The following IL34 variants were observed in gnomAD, a reference collection of about 807,000 sequenced individuals.
IL34 encodes the protein interleukin-34.
Under a neutral mutation model 25.3 loss-of-function variants are expected in IL34, and 17 were observed. The observed-to-expected ratio is 0.67, with a 90% CI of 0.46 to 1.01. The LOEUF is 1.01. Among genes scored for constraint, IL34 ranks in the 50% least tolerant of loss-of-function variants. The probability of loss-of-function intolerance (pLI) is 0.00; values close to 1 mark genes in which losing one functional copy is unlikely to be tolerated. For missense variants in IL34, 368 were observed against 312.9 expected, an observed-to-expected ratio of 1.18 and a Z score of -1.33; for synonymous variants, 174 against 140.9, an observed-to-expected ratio of 1.23 and a Z score of -1.66.
chr16:70,584,379 C>T (rs2050667554), intron 1 of IL34, among the ~76,000 whole-genome samples: 1 of 152,206 alleles, frequency 6.6e-6, no homozygotes, highest in Non-Finnish European at 1.5e-5. Flanking sequence ...CCCTTGGCAT[C>T]CTTTCCATAC....
chr16:70,603,754 A>T (rs1237896717), intron 1 of IL34, among the ~76,000 whole-genome samples: 1 of 150,950 alleles, frequency 6.6e-6, no homozygotes, highest in Non-Finnish European at 1.5e-5. Context: ...TAATTTTTAA[A>T]TTTTTTCTGT....
chr16:70,650,933 TCA>T (rs2052062471), intron 1 of IL34, among the ~76,000 whole-genome samples: 1 of 152,182 alleles, frequency 6.6e-6, no homozygotes, highest in South Asian at 2.1e-4. Context: ...CGTTATGGAT[TCA>T]CACACAGGCT....
intron 1 of IL34, among the ~76,000 whole-genome samples, chr16:70,639,639 C>T (rs2051735651): frequency 8.1e-6 from 1 of 123,976 alleles, no homozygotes; most frequent in Non-Finnish European, 1.8e-5. Flanking sequence ...GACCCTGTTC[C>T]CACTGCAAAC....
intron 4 of IL34, 72 bp downstream of exon 4, chr16:70,657,193 G>GC (rs772987459): frequency 3.8e-5 from 57 of 1,503,080 alleles, no homozygotes; most frequent in Non-Finnish European, 5.1e-5. Context: ...GTGAGGTGTG[G>GC]CCAAAGGCTA....
chr16:70,635,402 T>C (rs2051618372), intron 1 of IL34, among the ~76,000 whole-genome samples: 1 of 152,352 alleles, frequency 6.6e-6, no homozygotes, highest in Non-Finnish European at 1.5e-5. Flanking sequence ...TGTCTCCTGC[T>C]GCTCTCAGGA....
intron 1 of IL34, among the ~76,000 whole-genome samples, chr16:70,616,721 C>T (rs577170344): frequency 7.9e-5 from 12 of 152,288 alleles, no homozygotes; most frequent in African/African-American, 2.6e-4. Context: ...TACAAACAAC[C>T]TGCTTAAGGG....
intron 1 of IL34, among the ~76,000 whole-genome samples, chr16:70,623,594 G>A (rs1458630877): frequency 6.6e-6 from 1 of 152,052 alleles, no homozygotes; most frequent in Non-Finnish European, 1.5e-5. Context: ...AGGGGTGCAT[G>A]ATCAGTCGCC....
chr16:70,601,449 T>C (rs569854959), intron 1 of IL34, among the ~76,000 whole-genome samples: 1 of 152,268 alleles, frequency 6.6e-6, no homozygotes, highest in African/African-American at 2.4e-5. Flanking sequence ...TCTTGCTCTG[T>C]TGCCCAGGCT....
intron 1 of IL34, among the ~76,000 whole-genome samples, chr16:70,588,502 A>G (rs2050718639): frequency 6.6e-6 from 1 of 152,138 alleles, no homozygotes. Context: ...TTTCAAAAAA[A>G]AAAAACATTA....
chr16:70,657,181 G>C (rs778170126), intron 4 of IL34, 60 bp downstream of exon 4: 2 of 1,550,792 alleles, frequency 1.3e-6, no homozygotes, highest in African/African-American at 2.7e-5. Flanking sequence ...GTGTACATGT[G>C]TGTGAGGTGT....
intron 3 of IL34, 83 bp downstream of exon 3, chr16:70,656,762 G>A: frequency 1.1e-6 from 1 of 950,342 alleles, no homozygotes; most frequent in East Asian, 2.4e-5. Flanking sequence ...GCTGGGACTG[G>A]CAGGTGGTGC....
intron 1 of IL34, among the ~76,000 whole-genome samples, chr16:70,589,098 G>A (rs1399793745): frequency 6.6e-6 from 1 of 152,124 alleles, no homozygotes; most frequent in Non-Finnish European, 1.5e-5. Context: ...TCAGGAGGCT[G>A]AGGCAGGAGA....
exon 1 of IL34, chr16:70,580,032 G>T (rs1158932754): frequency 6.6e-6 from 1 of 152,332 alleles, no homozygotes; most frequent in African/African-American, 2.4e-5. Context: ...AGGAGACCGA[G>T]TCTTGGCACG....
In IL34 at chr16:70,599,304, C is replaced by CTTTT. The variant is rs372428379; in HGVS notation, c.-401+19255_-401+19256insTTTT. Among the ~76,000 whole-genome samples, 631 of 125,982 alleles carry CTTTT rather than the reference C, an allele frequency of 5.0e-3. 11 individuals are homozygous for CTTTT. The East Asian group carries it at 0.077, about 15-fold the overall frequency. The allele number at this position is 125,982 out of a possible 152,430, so 82.6% of individuals were successfully genotyped here. The stretch of plus-strand genomic sequence containing the variant: ...TTCTTTCTTTCTTTCTTCTTTCTTT[C>CTTTT]CTTCTTTCTTTCTTTTCTTTCTTTC... On this transcript the variant is annotated intron_variant, in intron 1 of 6. Transcript: ENST00000429149.
chr16:70,620,047 C>T (rs987689105), intron 1 of IL34, among the ~76,000 whole-genome samples: 1 of 152,010 alleles, frequency 6.6e-6, no homozygotes, highest in African/African-American at 2.4e-5. Flanking sequence ...CAAGGAATTG[C>T]AACTTTTTTC....
intron 1 of IL34, among the ~76,000 whole-genome samples, chr16:70,629,924 TTG>T (rs2051480975): frequency 6.6e-6 from 1 of 152,122 alleles, no homozygotes; most frequent in South Asian, 2.1e-4. Context: ...AGTCACCCTG[TTG>T]TGTTATCAAA....
At chr16:70,628,827 G>C (rs867917843) in intron 1 of IL34, among the ~76,000 whole-genome samples, 7 of 138,206 alleles carry the variant, frequency 5.1e-5, no homozygotes, top group Middle Eastern at 3.9e-3. Flanking sequence ...CTTACTGTAT[G>C]CCCAGGCTGA....
At chr16:70,609,642 C>G (rs2051062068) in intron 1 of IL34, among the ~76,000 whole-genome samples, 1 of 152,162 alleles carries the variant, frequency 6.6e-6, no homozygotes, top group Non-Finnish European at 1.5e-5. Context: ...GACAGGTGCA[C>G]TGAGGCAGAG....
intron 1 of IL34, among the ~76,000 whole-genome samples, chr16:70,610,366 G>C (rs968506180): frequency 6.6e-6 from 1 of 152,198 alleles, no homozygotes; most frequent in African/African-American, 2.4e-5. Flanking sequence ...GGAGTGCCGA[G>C]TGTTCAGTTG....
Sources: gnomAD v4.1 joint callset for allele counts (sites outside exome capture counted in the v4.1 genomes callset) on GRCh38, gnomAD v4.1.1 for gene constraint, MANE v1.5 for transcripts, NCBI Gene and HGNC (gene_info 2026-07-23, HGNC 2026-07-21) for gene names.